DPYD: variants seen among roughly 807,000 people sequenced by gnomAD.
DPYD encodes the protein dihydropyrimidine dehydrogenase.
Under a neutral mutation model 116.2 loss-of-function variants are expected in DPYD, and 109 were observed. The ratio of observed to expected loss-of-function variants is 0.94; its 90% CI spans 0.80 to 1.10. The LOEUF (loss-of-function observed/expected upper bound fraction) is 1.10. Among genes scored for constraint, DPYD ranks in the 50% least tolerant of loss-of-function variants. The pLI is 0.00. For missense variants in DPYD, 1,302 were observed against 1,254.5 expected (o/e 1.04, Z -0.57); for synonymous variants, 440 against 432.0 (o/e 1.02, Z -0.23).
Position 97,236,450 on chromosome 1 carries a change from G to C in DPYD, c.2300-1456C>G, listed in dbSNP as rs11805694. Among the ~76,000 whole-genome samples the C allele has an allele frequency of 9.0e-3, 1,370 of 151,774 alleles. 14 individuals carry two copies. The highest frequency in any genetic ancestry group is 0.037 in the Middle Eastern group (11 of 294). ...ATAAGAAAAGAAACAAAAAGTTAAA[G>C]GGCTTTCAATTTGAAAAGGCTAGAT... On this transcript the variant is annotated intron_variant, in intron 18 of 22. Transcript: ENST00000370192.
At chr1:97,553,899 C>T (rs748211342) in intron 11 of DPYD, among the ~76,000 whole-genome samples, 27 of 151,964 alleles carry the variant, frequency 1.8e-4, no homozygotes, top group Non-Finnish European at 3.1e-4. Context: ...TTTATGCAGT[C>T]TTTATAAAGA....
chr1:97,753,600 G>T (rs142494453), intron 3 of DPYD, among the ~76,000 whole-genome samples: 1,910 of 152,094 alleles, frequency 0.013, 131 homozygotes, highest in Admixed American at 0.098. Context: ...TTTTATATAT[G>T]ACTGAATTTA....
At chr1:97,164,178 C>T (rs1379992311) in intron 20 of DPYD, among the ~76,000 whole-genome samples, 1 of 152,172 alleles carries the variant, frequency 6.6e-6, no homozygotes, top group Non-Finnish European at 1.5e-5. Flanking sequence ...ATAAAAACCA[C>T]ATGATTATCT....
chr1:97,876,851 T>C (rs1671945303), intron 2 of DPYD, among the ~76,000 whole-genome samples: 1 of 151,910 alleles, frequency 6.6e-6, no homozygotes, highest in Non-Finnish European at 1.5e-5. Flanking sequence ...TAGGAGGAAA[T>C]GGGTGATAAG....
intron 14 of DPYD, among the ~76,000 whole-genome samples, chr1:97,436,629 A>G (rs557032204): frequency 7.9e-5 from 12 of 151,998 alleles, no homozygotes; most frequent in Non-Finnish European, 1.3e-4. Flanking sequence ...ACTCTTTTAA[A>G]AGGTTTGATG....
chr1:97,664,413 C>T (rs895837351), intron 8 of DPYD, among the ~76,000 whole-genome samples: 5 of 151,554 alleles, frequency 3.3e-5, no homozygotes, highest in Non-Finnish European at 5.9e-5. Flanking sequence ...ATATGTATAG[C>T]TATGAGTTTA....
chr1:97,580,229 G>A (rs946601562), intron 10 of DPYD, among the ~76,000 whole-genome samples: 4 of 152,170 alleles, frequency 2.6e-5, no homozygotes, highest in African/African-American at 9.7e-5. Context: ...GCAATATGAA[G>A]AAACAACATT....
intron 4 of DPYD, among the ~76,000 whole-genome samples, chr1:97,727,662 C>A (rs537704208): frequency 6.6e-6 from 1 of 151,796 alleles, no homozygotes; most frequent in Non-Finnish European, 1.5e-5. Context: ...ATTCACAAGT[C>A]ACCTTTGCAA....
chr1:97,152,110 C>T (rs1235940494), intron 20 of DPYD, among the ~76,000 whole-genome samples: 1 of 152,066 alleles, frequency 6.6e-6, no homozygotes, highest in Non-Finnish European at 1.5e-5. Flanking sequence ...GCAGTCAAGG[C>T]CATTTACACT....
At chr1:97,164,034 A>G (rs2101751212) in intron 20 of DPYD, among the ~76,000 whole-genome samples, 1 of 152,322 alleles carries the variant, frequency 6.6e-6, no homozygotes, top group African/African-American at 2.4e-5. Context: ...TCAACAAAAT[A>G]CTGGCAAACC....
At chr1:97,782,444 A>G (rs1387497594) in intron 3 of DPYD, among the ~76,000 whole-genome samples, 1 of 152,210 alleles carries the variant, frequency 6.6e-6, no homozygotes, top group Non-Finnish European at 1.5e-5. Flanking sequence ...CATCCCTTGC[A>G]GTTGCCTTTC....
chr1:97,622,614 T>C (rs994410603), intron 8 of DPYD, among the ~76,000 whole-genome samples: 1 of 152,034 alleles, frequency 6.6e-6, no homozygotes, highest in Non-Finnish European at 1.5e-5. Flanking sequence ...GGTTCATTAA[T>C]TGTAACAAAA....
intron 14 of DPYD, among the ~76,000 whole-genome samples, chr1:97,404,757 G>A (rs1249825026): frequency 3.3e-5 from 5 of 151,768 alleles, no homozygotes; most frequent in Non-Finnish European, 5.9e-5. Context: ...CTTTTAATTG[G>A]CGTATTTAGA....
intron 21 of DPYD, among the ~76,000 whole-genome samples, chr1:97,082,916 A>G (rs899836509): frequency 1.3e-5 from 2 of 152,132 alleles, no homozygotes; most frequent in Non-Finnish European, 2.9e-5. Context: ...AATGTTATGC[A>G]TTTATTTCAC....
At chr1:97,623,938 G>A (rs1421538965) in intron 8 of DPYD, among the ~76,000 whole-genome samples, 1 of 151,838 alleles carries the variant, frequency 6.6e-6, no homozygotes, top group Non-Finnish European at 1.5e-5. Context: ...ACATGTAGAA[G>A]AACAAAATTT....
intron 14 of DPYD, among the ~76,000 whole-genome samples, chr1:97,414,687 G>A (rs1305648810): frequency 6.6e-6 from 1 of 152,192 alleles, no homozygotes; most frequent in African/African-American, 2.4e-5. Context: ...AGAAGAGATT[G>A]TATTCTTCAC....
intron 8 of DPYD, among the ~76,000 whole-genome samples, chr1:97,660,015 T>C (rs1243570913): frequency 6.6e-6 from 1 of 152,142 alleles, no homozygotes; most frequent in Non-Finnish European, 1.5e-5. Context: ...GGCATGGTGG[T>C]TGGTTCTATC....
At chr1:97,907,049 G>T (rs953038149) in intron 1 of DPYD, among the ~76,000 whole-genome samples, 1 of 152,052 alleles carries the variant, frequency 6.6e-6, no homozygotes, top group Non-Finnish European at 1.5e-5. Flanking sequence ...TAGCAGGCAG[G>T]GAGCTTAGAA....
intron 20 of DPYD, among the ~76,000 whole-genome samples, chr1:97,145,973 G>C (rs1487851465): frequency 6.6e-6 from 1 of 151,880 alleles, no homozygotes; most frequent in Non-Finnish European, 1.5e-5. Context: ...AGAATTCCTG[G>C]GAGAGAAAAG....
Sources: gnomAD v4.1 joint callset for allele counts (sites outside exome capture counted in the v4.1 genomes callset) on GRCh38, gnomAD v4.1.1 for gene constraint, MANE v1.5 for transcripts, NCBI Gene and HGNC (gene_info 2026-07-23, HGNC 2026-07-21) for gene names.